Variants in SLC25A43 observed in about 807,000 individuals in gnomAD.
SLC25A43 encodes the protein solute carrier family 25 member 43.
SLC25A43 carries 10 observed loss-of-function variants against 22.8 expected under a neutral mutation model. The observed-to-expected ratio is 0.44, with a 90% CI of 0.27 to 0.74. SLC25A43 has a LOEUF of 0.74. Among genes scored for constraint, SLC25A43 ranks in the 30% least tolerant of loss-of-function variants. SLC25A43 has a pLI of 0.17. For missense variants in SLC25A43, 233 were observed against 279.1 expected (o/e 0.83, Z 1.18); for synonymous variants, 106 against 121.6 (o/e 0.87, Z 0.84).
At chrX:119,412,376 GTT>G (rs1290075875) in intron 3 of SLC25A43, among the ~76,000 whole-genome samples, 3 of 101,024 alleles carry the variant, frequency 3.0e-5, no homozygotes, top group Admixed American at 1.1e-4. Flanking sequence ...GACATTTGGT[GTT>G]TTTTTTTTTT....
chrX:119,400,892 TCTC>T (rs1414683977), intron 1 of SLC25A43, among the ~76,000 whole-genome samples: 2 of 110,888 alleles, frequency 1.8e-5, no homozygotes, highest in African/African-American at 3.3e-5. Flanking sequence ...TGTAAACAGT[TCTC>T]CTCTGAGTCT....
intron 1 of SLC25A43, among the ~76,000 whole-genome samples, chrX:119,403,583 C>T (rs1265225951): frequency 8.9e-6 from 1 of 112,080 alleles, no homozygotes; most frequent in African/African-American, 3.2e-5. Flanking sequence ...CCACCACGCC[C>T]AGCCCCAGTC....
chrX:119,429,064 CTT>C (rs758808277), intron 3 of SLC25A43, among the ~76,000 whole-genome samples: 6 of 97,041 alleles, frequency 6.2e-5, no homozygotes, highest in Admixed American at 1.1e-4. Flanking sequence ...TGTCTTACAT[CTT>C]TTTTTTTTTT....
chrX:119,417,430 AAAAG>A (rs1292372251), intron 3 of SLC25A43, among the ~76,000 whole-genome samples: 1 of 110,728 alleles, frequency 9.0e-6, no homozygotes, highest in Non-Finnish European at 1.9e-5. Context: ...TGTCTCAAAA[AAAAG>A]AGAAAAGAAA....
intron 3 of SLC25A43, chrX:119,434,884 C>G (rs1455807523): frequency 9.1e-6 from 1 of 109,810 alleles, no homozygotes; most frequent in Non-Finnish European, 1.9e-5. Context: ...AGTGGAATGG[C>G]GTGATCTCGG....
intron 3 of SLC25A43, among the ~76,000 whole-genome samples, chrX:119,429,113 G>A (rs1049205581): frequency 7.6e-5 from 8 of 105,351 alleles, no homozygotes; most frequent in African/African-American, 2.1e-4. Flanking sequence ...GTGCAGTGGC[G>A]CAATTTCAGC....
At chrX:119,417,106 G>A (rs2052408390) in intron 3 of SLC25A43, among the ~76,000 whole-genome samples, 2 of 110,739 alleles carry the variant, frequency 1.8e-5, no homozygotes, top group Admixed American at 1.9e-4. Flanking sequence ...AGCCTCAAGG[G>A]GTAGGGCTAG....
intron 1 of SLC25A43, among the ~76,000 whole-genome samples, chrX:119,405,315 A>G (rs958871511): frequency 3.6e-4 from 40 of 111,108 alleles, no homozygotes; most frequent in Non-Finnish European, 1.1e-4. Flanking sequence ...TGAAAGCAAA[A>G]GAGCTAGCCT....
intron 3 of SLC25A43, among the ~76,000 whole-genome samples, chrX:119,432,324 T>C (rs2052560409): frequency 8.9e-6 from 1 of 111,901 alleles, no homozygotes; most frequent in African/African-American, 3.2e-5. Flanking sequence ...TAAACATAAT[T>C]CTAATTAATA....
rs143058171 is a variant in SLC25A43 at position 119,414,809 on chromosome X, G to A, written c.690+4447G>A. On this transcript the variant is annotated intron_variant, in intron 3 of 4. Coordinates refer to ENST00000217909, the MANE Select transcript of SLC25A43 (RefSeq NM_145305.3). ...ACTGCCCAGGCTGGAGTGCAGTGGT[G>A]CGATCTCAGCTCACTGTAGCCTCGA... Among the ~76,000 whole-genome samples the A allele has an allele frequency of 1.7e-3, 182 of 107,963 alleles. 4 individuals are homozygous for A. In the East Asian group the frequency reaches 0.05, roughly 30 times the overall value. 93.8% of individuals were successfully genotyped at this position (107,963 alleles called of 115,157 possible).
At chrX:119,445,042 A>G (rs1225292983) in intron 3 of SLC25A43, among the ~76,000 whole-genome samples, 31 of 65,472 alleles carry the variant, frequency 4.7e-4, no homozygotes, top group Non-Finnish European at 8.2e-4. Context: ...TGTCTCCAAA[A>G]AAAAAAAAAA....
At chrX:119,415,792 T>C (rs1372167896) in intron 3 of SLC25A43, among the ~76,000 whole-genome samples, 1 of 108,030 alleles carries the variant, frequency 9.3e-6, no homozygotes, top group African/African-American at 3.4e-5. Flanking sequence ...CACTTGAGGC[T>C]AGGAGTTCGA....
At chrX:119,401,110 G>T (rs910622801) in intron 1 of SLC25A43, among the ~76,000 whole-genome samples, 1 of 111,642 alleles carries the variant, frequency 9.0e-6, no homozygotes, top group Non-Finnish European at 1.9e-5. Flanking sequence ...AGGTCCATAG[G>T]ACAGGAAGCA....
chrX:119,421,569 G>A (rs2052452901), intron 3 of SLC25A43, among the ~76,000 whole-genome samples: 1 of 111,906 alleles, frequency 8.9e-6, no homozygotes, highest in Admixed American at 9.5e-5. Context: ...CCTCTGTCTT[G>A]GAACATCTGC....
chrX:119,434,873 G>T (rs1264139504), intron 3 of SLC25A43: 2 of 110,148 alleles, frequency 1.8e-5, no homozygotes, highest in Non-Finnish European at 3.8e-5. Flanking sequence ...GTCCAGGTTG[G>T]AGTGGAATGG....
At chrX:119,443,920 A>G (rs1277574852) in intron 3 of SLC25A43, among the ~76,000 whole-genome samples, 1 of 106,055 alleles carries the variant, frequency 9.4e-6, no homozygotes, top group Non-Finnish European at 1.9e-5. Context: ...ATGCCCGGCT[A>G]ATTTTTTTTT....
In SLC25A43 at chrX:119,453,371, G is replaced by A; in HGVS notation, c.*306G>A. ...AATAGAAACATGACACCAAAGAAAG[G>A]GCATTGCCATGACATCTCAAAGCAA... On this transcript the variant is annotated 3_prime_UTR_variant, in exon 5 of 5. Coordinates refer to ENST00000217909, the MANE Select transcript of SLC25A43 (RefSeq NM_145305.3). 1 of 256,711 alleles carries A rather than the reference G, an allele frequency of 3.9e-6. No individual in the cohort carries two copies. The highest frequency in any genetic ancestry group is 6.9e-6 in the Non-Finnish European group (1 of 145,079). The allele number at this position is 256,711 out of a possible 1,213,427, so 21.2% of individuals were successfully genotyped here. A position where few individuals can be genotyped will look rare whatever the true frequency, so the allele number is the denominator to read the frequency against.
chrX:119,433,379 T>A (rs1052784731), intron 3 of SLC25A43, among the ~76,000 whole-genome samples: 1 of 111,602 alleles, frequency 9.0e-6, no homozygotes, highest in African/African-American at 3.3e-5. Flanking sequence ...GTCTACTGAT[T>A]TAAATGTCAA....
At chrX:119,445,732 G>C (rs2147296448) in intron 3 of SLC25A43, among the ~76,000 whole-genome samples, 1 of 111,710 alleles carries the variant, frequency 9.0e-6, no homozygotes, top group Non-Finnish European at 1.9e-5. Context: ...CGAATAATTG[G>C]AAGGGAAGAT....
Sources: allele counts gnomAD v4.1 joint callset (sites outside exome capture counted in the v4.1 genomes callset), GRCh38; gene constraint gnomAD v4.1.1; transcripts MANE v1.5; gene names NCBI Gene and HGNC (gene_info 2026-07-23, HGNC 2026-07-21).